HELB: variants seen among roughly 807,000 people sequenced by gnomAD.
The protein encoded by HELB is DNA helicase B, also known as DNA 5'-3' helicase B.
A neutral mutation model predicts 101.7 loss-of-function variants in HELB; 96 were observed. The observed-to-expected ratio is 0.94, with a 90% CI of 0.80 to 1.12. The LOEUF is 1.12. Ranked by LOEUF, HELB falls within the 50% of genes most tolerant of loss-of-function variation. HELB has a pLI of 0.00. For missense variants in HELB, 1,210 were observed against 1,291.9 expected (o/e 0.94, Z 0.97); for synonymous variants, 437 against 459.7 (o/e 0.95, Z 0.63).
In HELB at chr12:66,331,484, A is replaced by T; in HGVS notation, c.3001A>T (p.Ser1001Cys). The change falls in exon 12 of 13, where the codon AGC becomes TGC. Residue 1001 changes from serine to cysteine, a missense_variant. This residue lies in a region of HELB where 740 missense variants were observed against 728.8 expected (regional missense o/e 1.02). Transcript: ENST00000247815. ...CGCCATGACAAATGATGTCACCTGG[A>T]GCGAGGCCTCTTCGCCTGATGAGAG... ...DHAMTNDVTW[S>C]EASSPDERTL... 6.2e-7 allele frequency: 1 copy of T among 1,614,170 alleles called. No individual in the cohort carries two copies. Among genetic ancestry groups the T allele is most frequent in the Non-Finnish European group, 8.5e-7 (1 of 1,180,022 alleles).
At chr12:66,330,360 A>T (rs1334842240) in intron 11 of HELB, among the ~76,000 whole-genome samples, 1 of 152,186 alleles carries the variant, frequency 6.6e-6, no homozygotes, top group African/African-American at 2.4e-5. Context: ...ACAGACAAGT[A>T]GGAGAAAAAA....
rs762270423 is a variant in HELB, at chr12:66,302,631, C to T, written c.28C>T (p.Gln10Ter). The change falls in exon 1 of 13, where the codon CAA (glutamine) becomes TAA (stop). Residue 10 changes from glutamine (Q) to a stop codon, truncating the protein, a stop_gained. Coordinates refer to ENST00000247815, the MANE Select transcript of HELB (RefSeq NM_001370285.1). LOFTEE classifies it high-confidence loss of function. MARSSPYLR[Q>*]LQGPLLPPRD... Reference sequence around the variant, plus strand: ...GGCCAGGTCGAGTCCGTACCTGCGCCAACTTCAGGGACCTCTGCTCCCACC... The same window carrying T: ...GGCCAGGTCGAGTCCGTACCTGCGCTAACTTCAGGGACCTCTGCTCCCACC... The T allele has an allele frequency of 6.2e-6, 10 of 1,614,008 alleles. No individual in the cohort carries two copies. Among genetic ancestry groups the T allele is most frequent in the Middle Eastern group, 1.7e-4 (1 of 6,060 alleles).
At chr12:66,311,760 G>C (rs967873630) in intron 4 of HELB, among the ~76,000 whole-genome samples, 5 of 152,072 alleles carry the variant, frequency 3.3e-5, no homozygotes, top group African/African-American at 1.2e-4. Flanking sequence ...AAATAGTATT[G>C]GCTATAATTA....
Position 66,305,161 on chromosome 12 carries a change from T to C in HELB, c.607+11T>C. ...CTCTGGAAAACACAAGTAAGTGTGA[T>C]TTTTATCATCAACTTTCAGTGTAAT... On this transcript the variant is annotated intron_variant, in intron 2 of 12. Coordinates refer to ENST00000247815, the MANE Select transcript of HELB (RefSeq NM_001370285.1). 6.7e-7 allele frequency: 1 copy of C among 1,482,116 alleles called. No individual in the cohort carries two copies. The highest frequency in any genetic ancestry group is 9.1e-7 in the Non-Finnish European group (1 of 1,095,278). The allele number at this position is 1,482,116 out of a possible 1,614,324, so 91.8% of individuals were successfully genotyped here.
At chr12:66,331,763 T>C in intron 12 of HELB, 118 bp downstream of exon 12, 1 of 1,019,142 alleles carries the variant, frequency 9.8e-7, no homozygotes, top group Admixed American at 2.4e-5. Flanking sequence ...TTAAAAACAA[T>C]TGTTTTTCTC....
intron 2 of HELB, among the ~76,000 whole-genome samples, chr12:66,305,539 C>G (rs1043129488): frequency 6.6e-6 from 1 of 151,770 alleles, no homozygotes; most frequent in Non-Finnish European, 1.5e-5. Flanking sequence ...CGCAGGAGAT[C>G]GAGACTAGCC....
chr12:66,325,670 G>T (rs1229660302), intron 11 of HELB, among the ~76,000 whole-genome samples: 1 of 152,124 alleles, frequency 6.6e-6, no homozygotes, highest in Non-Finnish European at 1.5e-5. Flanking sequence ...CAATATATAT[G>T]ATTGTTTTCT....
In HELB at chr12:66,306,358, T is replaced by G. The variant is rs987725301; in HGVS notation, c.621T>G (p.Asn207Lys). 1.3e-6 allele frequency: 2 copies of G among 1,590,806 alleles called. No homozygotes were observed. Among genetic ancestry groups the G allele is most frequent in the Admixed American group, 1.8e-5 (1 of 54,996 alleles). ...LPLENTIPFR[N>K]VMTALQFPKI... ...GATATCTTGTAGTTCCATTTAGAAA[T>G]GTAATGACAGCTTTGCAGTTTCCGA... The change falls in exon 3 of 13, where the codon AAT (asparagine) becomes AAG (lysine). Residue 207 changes from asparagine to lysine, a missense_variant. Around this residue, in one of 2 missense-constraint regions of HELB, gnomAD observed 470 missense variants for 563.1 expected, o/e 0.83. Coordinates refer to ENST00000247815, the MANE Select transcript of HELB (RefSeq NM_001370285.1).
At chr12:66,312,887 A>C (rs904966777) in intron 4 of HELB, among the ~76,000 whole-genome samples, 4 of 152,140 alleles carry the variant, frequency 2.6e-5, no homozygotes, top group African/African-American at 9.7e-5. Context: ...ATTTAACTGG[A>C]TGTCCTGTAT....
chr12:66,334,593 G>A (rs2053845920), intron 12 of HELB, among the ~76,000 whole-genome samples: 1 of 151,846 alleles, frequency 6.6e-6, no homozygotes, highest in African/African-American at 2.4e-5. Flanking sequence ...TGAGCAACAT[G>A]GCGAAACCCC....
intron 10 of HELB, 56 bp from the exon 11 acceptor site, chr12:66,324,927 T>A (rs757726054): frequency 1.3e-5 from 21 of 1,597,902 alleles, no homozygotes; most frequent in Non-Finnish European, 4.3e-6. Flanking sequence ...TTTGAACGTA[T>A]TTGAACGTAG....
intron 3 of HELB, 139 bp downstream of exon 3, chr12:66,306,653 T>G: frequency 2.2e-6 from 1 of 450,326 alleles, no homozygotes. Context: ...ATGTTGCAAC[T>G]GTACATAAAC....
chr12:66,327,035 C>CAAAAAAAAAAA (rs756031862), intron 11 of HELB, among the ~76,000 whole-genome samples: 3 of 41,698 alleles, frequency 7.2e-5, no homozygotes, highest in Non-Finnish European at 7.9e-5. Flanking sequence ...GACTTCATCT[C>CAAAAAAAAAAA]AAAAAAAAAA....
intron 1 of HELB, among the ~76,000 whole-genome samples, chr12:66,304,371 G>A (rs1185197730): frequency 6.6e-6 from 1 of 152,216 alleles, no homozygotes; most frequent in African/African-American, 2.4e-5. Context: ...GGAATAACTT[G>A]AGTGAAGGGC....
intron 6 of HELB, 70 bp downstream of exon 6, chr12:66,315,453 A>C (rs745495409): frequency 8.7e-5 from 102 of 1,178,154 alleles, no homozygotes; most frequent in Non-Finnish European, 1.1e-4. Context: ...CCTTTGAATT[A>C]GAATGATTTA....
chr12:66,317,557 A>G (rs1022369858), intron 6 of HELB, among the ~76,000 whole-genome samples: 10 of 152,234 alleles, frequency 6.6e-5, no homozygotes, highest in Non-Finnish European at 1.5e-4. Flanking sequence ...TCTGAAGCAT[A>G]TTAGCTTTCT....
At position 66,315,190 on chromosome 12, in the gene HELB, G is replaced by T. The variant is rs2053589768; in HGVS notation, c.1859-52G>T. On this transcript the variant is annotated intron_variant, in intron 5 of 12. Coordinates refer to ENST00000247815, the MANE Select transcript of HELB (RefSeq NM_001370285.1). ...TGTTAAATAATTTTAAACAATCTTG[G>T]GGGTATTTTTTCTCAGAGTAAGTCT... 5.3e-6 allele frequency: 7 copies of T among 1,330,822 alleles called. No homozygotes were observed. In the South Asian group the frequency reaches 6.8e-5, roughly 13 times the overall value. The allele number at this position is 1,330,822 out of a possible 1,614,324, so 82.4% of individuals were successfully genotyped here.
At position 66,329,513 on chromosome 12, in the gene HELB, A is replaced by G. The variant is rs75636590; in HGVS notation, c.2671-1641A>G. The stretch of plus-strand genomic sequence containing the variant: ...GTGGAGCATGGTTCATGGAAAAGAA[A>G]GGGAAAAAAGTAAGGAGAGGAGCAG... On this transcript the variant is annotated intron_variant, in intron 11 of 12. Transcript: ENST00000247815. Among the ~76,000 whole-genome samples the G allele has an allele frequency of 6.1e-3, 936 of 152,282 alleles. 15 individuals carry two copies. The highest frequency in any genetic ancestry group is 0.021 in the African/African-American group (890 of 41,542).
chr12:66,305,157 G>T lies in HELB; in HGVS notation c.607+7G>T. 6.7e-7 allele frequency: 1 copy of T among 1,501,744 alleles called. No homozygotes were observed. Among genetic ancestry groups the T allele is most frequent in the South Asian group, 1.3e-5 (1 of 78,180 alleles). 93.0% of individuals were successfully genotyped at this position (1,501,744 alleles called of 1,614,324 possible). ...CTTCCTCTGGAAAACACAAGTAAGT[G>T]TGATTTTTATCATCAACTTTCAGTG... On this transcript the variant is annotated splice_region_variant and intron_variant, in intron 2 of 12. Transcript: ENST00000247815.
Sources: allele counts gnomAD v4.1 joint callset (sites outside exome capture counted in the v4.1 genomes callset), GRCh38; gene constraint gnomAD v4.1.1; regional missense constraint gnomAD v4.1.1; transcripts MANE v1.5; gene names NCBI Gene and HGNC (gene_info 2026-07-23, HGNC 2026-07-21).